H3-3A: variants seen among roughly 807,000 people sequenced by gnomAD.
The protein encoded by H3-3A is histone H3.3.
For synonymous variants in H3-3A, 49 were observed against 61.4 expected, an observed-to-expected ratio of 0.80 and a Z score of 0.95; for missense variants, 7 against 184.0, an observed-to-expected ratio of 0.04 and a Z score of 5.57.
At chr1:226,067,860 T>C (rs1657978795) in intron 3 of H3-3A, among the ~76,000 whole-genome samples, 1 of 152,202 alleles carries the variant, frequency 6.6e-6, no homozygotes, top group South Asian at 2.1e-4. Flanking sequence ...TTACACACTT[T>C]ACAACTAAAG....
At chr1:226,062,979 C>T (rs998510417) in intron 1 of H3-3A, among the ~76,000 whole-genome samples, 168 bp downstream of exon 1, 1 of 152,040 alleles carries the variant, frequency 6.6e-6, no homozygotes, top group East Asian at 1.9e-4. Context: ...TTCCCTCTGG[C>T]GGCGGCGGCT....
intron 2 of H3-3A, among the ~76,000 whole-genome samples, chr1:226,065,084 A>G (rs1657880444): frequency 1.3e-5 from 2 of 152,244 alleles, no homozygotes; most frequent in Non-Finnish European, 2.9e-5. Flanking sequence ...AATGAGAGGT[A>G]AATTTCTTGC....
At chr1:226,066,247 C>T (rs886748362) in intron 3 of H3-3A, 2 of 188,204 alleles carry the variant, frequency 1.1e-5, no homozygotes, top group Non-Finnish European at 2.2e-5. Flanking sequence ...GAGCTTAATA[C>T]CTAGGATGGG....
At chr1:226,064,687 G>A (rs1400006652) in intron 2 of H3-3A, among the ~76,000 whole-genome samples, 1 of 151,852 alleles carries the variant, frequency 6.6e-6, no homozygotes, top group African/African-American at 2.4e-5. Flanking sequence ...GTTTAACTTT[G>A]AAGCCATAAT....
Position 226,064,582 on chromosome 1 carries a change from C to CT in H3-3A, c.128+113dup, listed in dbSNP as rs3832021. On this transcript the variant is annotated intron_variant, in intron 2 of 3. Transcript: ENST00000366815. ...AGGAAAACTTTTTGCTTTAGAGAAA[C>CT]TTTTTTTTTTCATTTGAACACTTAA... 9.9e-3 allele frequency: 7,733 copies of CT among 781,438 alleles called. 83 individuals are homozygous for CT. The highest frequency in any genetic ancestry group is 0.057 in the African/African-American group (3,173 of 55,586). 48.4% of individuals were successfully genotyped at this position (781,438 alleles called of 1,614,324 possible). A position where few individuals can be genotyped will look rare whatever the true frequency, so the allele number is the denominator to read the frequency against.
intron 3 of H3-3A, among the ~76,000 whole-genome samples, chr1:226,069,183 A>T (rs957893350): frequency 6.6e-6 from 1 of 151,712 alleles, no homozygotes; most frequent in Non-Finnish European, 1.5e-5. Flanking sequence ...AGTAGCTGGG[A>T]CTACAGGCAC....
At chr1:226,065,972 C>A in intron 3 of H3-3A, 163 bp downstream of exon 3, 2 of 655,840 alleles carry the variant, frequency 3.0e-6, no homozygotes, top group South Asian at 3.6e-5. Context: ...TGCTCAAGGT[C>A]ATACACGTAG....
In H3-3A at chr1:226,064,490, A is replaced by G; in HGVS notation, c.128+11A>G. 1 of 1,607,864 alleles carries G rather than the reference A, an allele frequency of 6.2e-7. No homozygotes were observed. Among genetic ancestry groups the G allele is most frequent in the East Asian group, 2.2e-5 (1 of 44,846 alleles). On this transcript the variant is annotated intron_variant, in intron 2 of 3. Coordinates refer to ENST00000366815, the MANE Select transcript of H3-3A (RefSeq NM_002107.7). ...ACCTCATCGTTACAGGTATTAAAAA[A>G]CAGGAAAAAAATGGGACAAAGTCTC...
At chr1:226,063,095 C>A (rs369531270) in intron 1 of H3-3A, among the ~76,000 whole-genome samples, 1 of 151,734 alleles carries the variant, frequency 6.6e-6, no homozygotes, top group African/African-American at 2.4e-5. Context: ...TCGGTGAAAT[C>A]CCGCCCGCCG....
chr1:226,071,569 A>G lies in H3-3A; in HGVS notation c.*90A>G, dbSNP rs1000745370. 3.3e-5 allele frequency: 19 copies of G among 578,500 alleles called. No individual in the cohort carries two copies. Among genetic ancestry groups the G allele is most frequent in the Non-Finnish European group, 5.0e-5 (17 of 340,400 alleles). 35.8% of individuals were successfully genotyped at this position (578,500 alleles called of 1,614,324 possible). ...TTATTGGTAGTTCTGAACGTTAGAT[A>G]TTTTTTTTCCATGGGGTCAAAAGGT... On this transcript the variant is annotated 3_prime_UTR_variant, in exon 4 of 4. Coordinates refer to ENST00000366815, the MANE Select transcript of H3-3A (RefSeq NM_002107.7).
chr1:226,064,115 A>G (rs763910950), intron 1 of H3-3A: 1 of 395,276 alleles, frequency 2.5e-6, no homozygotes, highest in Non-Finnish European at 4.7e-6. Flanking sequence ...TTGAGAGGTG[A>G]TTGATACTGC....
In H3-3A at chr1:226,064,295, C is replaced by G. The variant is rs1426373395; in HGVS notation, c.-23-34C>G. On this transcript the variant is annotated intron_variant, in intron 1 of 3. Transcript: ENST00000366815. ...GGAAAAGTTGTATGTTTGGTAGTTG[C>G]ATATGGTGATTTTTGATTTTTCAAT... is the stretch of plus-strand genomic sequence containing the variant. 3 of 1,523,604 alleles carry G rather than the reference C, an allele frequency of 2.0e-6. No homozygotes were observed. In the African/African-American group the frequency reaches 4.1e-5, roughly 21 times the overall value. 94.4% of individuals were successfully genotyped at this position (1,523,604 alleles called of 1,614,324 possible). A position where few individuals can be genotyped will look rare whatever the true frequency, so the allele number is the denominator to read the frequency against.
intron 2 of H3-3A, among the ~76,000 whole-genome samples, chr1:226,065,004 T>C (rs900590777): frequency 6.6e-6 from 1 of 152,226 alleles, no homozygotes; most frequent in Non-Finnish European, 1.5e-5. Flanking sequence ...AGAAGTTGCC[T>C]AGACTTAGCC....
In H3-3A at chr1:226,071,947, T is replaced by C. The variant is rs1354508307; in HGVS notation, c.*468T>C. 13 of 220,082 alleles carry C rather than the reference T, an allele frequency of 5.9e-5. No homozygotes were observed. In the East Asian group the frequency reaches 8.7e-4, roughly 15 times the overall value. The allele number at this position is 220,082 out of a possible 1,614,324, so 13.6% of individuals were successfully genotyped here. A position where few individuals can be genotyped will look rare whatever the true frequency, so the allele number is the denominator to read the frequency against. ...TACATGCAAGTACATGTTTTTAATG[T>C]TGTCTGTCTTCTGTGCTGTTCCTGT... On this transcript the variant is annotated 3_prime_UTR_variant, in exon 4 of 4. Coordinates refer to ENST00000366815, the MANE Select transcript of H3-3A (RefSeq NM_002107.7).
At chr1:226,065,516 C>G in intron 2 of H3-3A, 140 bp from the exon 3 acceptor site, 2 of 565,154 alleles carry the variant, frequency 3.5e-6, no homozygotes, top group Admixed American at 3.2e-5. Flanking sequence ...TTAAGTTGAT[C>G]AGTGAAATTT....
At chr1:226,067,084 G>A (rs570465839) in intron 3 of H3-3A, 3 of 152,194 alleles carry the variant, frequency 2.0e-5, no homozygotes, top group East Asian at 1.9e-4. Context: ...ACTAAGATTC[G>A]TAAGCATTGG....
At position 226,064,494 on chromosome 1, in the gene H3-3A, GA is replaced by G. The variant is rs758609953; in HGVS notation, c.128+22del. ...CATCGTTACAGGTATTAAAAAACAG[GA>G]AAAAAATGGGACAAAGTCTCTCTTG... On this transcript the variant is annotated intron_variant, in intron 2 of 3. Coordinates refer to ENST00000366815, the MANE Select transcript of H3-3A (RefSeq NM_002107.7). 9 of 1,590,874 alleles carry G rather than the reference GA, an allele frequency of 5.7e-6. No homozygotes were observed. The highest frequency in any genetic ancestry group is 7.7e-6 in the Non-Finnish European group (9 of 1,165,816).
intron 3 of H3-3A, 96 bp from the exon 4 acceptor site, chr1:226,071,255 A>T: frequency 1.1e-6 from 1 of 918,098 alleles, no homozygotes; most frequent in Non-Finnish European, 1.7e-6. Context: ...TCATTTTTTT[A>T]AAGGGTTCAA....
chr1:226,065,595 C>T, intron 2 of H3-3A, 61 bp from the exon 3 acceptor site: 13 of 1,237,774 alleles, frequency 1.1e-5, no homozygotes, highest in South Asian at 3.1e-5. Flanking sequence ...TTGAAGCTGC[C>T]CACTTACCTT....
Sources: allele counts gnomAD v4.1 joint callset (sites outside exome capture counted in the v4.1 genomes callset), GRCh38; gene constraint gnomAD v4.1.1; transcripts MANE v1.5; gene names NCBI Gene and HGNC (gene_info 2026-07-23, HGNC 2026-07-21).